The following SCAI variants were observed in gnomAD, a reference collection of about 807,000 sequenced individuals.
The protein encoded by SCAI is protein SCAI.
A neutral mutation model predicts 92.2 loss-of-function variants in SCAI; 24 were observed. That is an observed-to-expected ratio of 0.26 (90% confidence interval 0.19 to 0.37). The LOEUF (loss-of-function observed/expected upper bound fraction) is 0.37, where lower values mean the gene tolerates loss of function less well. Among genes scored for constraint, SCAI ranks in the 10% least tolerant of loss-of-function variants. The pLI is 1.00. For missense variants in SCAI, 450 were observed against 736.2 expected, an observed-to-expected ratio of 0.61 and a Z score of 4.50; for synonymous variants, 261 against 258.6, an observed-to-expected ratio of 1.01 and a Z score of -0.09.
chr9:125,121,859 A>T (rs1317319474), intron 2 of SCAI, among the ~76,000 whole-genome samples: 1 of 152,218 alleles, frequency 6.6e-6, no homozygotes, highest in Non-Finnish European at 1.5e-5. Context: ...AGTCTCAAAA[A>T]AATAAATAAA....
chr9:125,082,449 C>T (rs1304576673), intron 2 of SCAI, among the ~76,000 whole-genome samples: 1 of 152,234 alleles, frequency 6.6e-6, no homozygotes, highest in African/African-American at 2.4e-5. Flanking sequence ...AATCCCCACA[C>T]AGAGTCCCTA....
chr9:124,980,412 G>A (rs1348372524), intron 14 of SCAI, among the ~76,000 whole-genome samples: 1 of 152,018 alleles, frequency 6.6e-6, no homozygotes, highest in Non-Finnish European at 1.5e-5. Context: ...GCCCCTGGCT[G>A]GCTTCTGGGA....
At chr9:124,968,487 T>C (rs959544518) in intron 17 of SCAI, 2 of 898,876 alleles carry the variant, frequency 2.2e-6, no homozygotes, top group Non-Finnish European at 3.8e-6. Context: ...TGGTGTCTGC[T>C]TGTTGATCAC....
intron 9 of SCAI, among the ~76,000 whole-genome samples, chr9:125,011,745 T>C (rs1433269269): frequency 6.6e-6 from 1 of 151,992 alleles, no homozygotes; most frequent in Non-Finnish European, 1.5e-5. Flanking sequence ...TTCACCAAAG[T>C]TGAAATGAAG....
At chr9:125,137,887 C>T (rs1265136852) in intron 2 of SCAI, among the ~76,000 whole-genome samples, 1 of 152,172 alleles carries the variant, frequency 6.6e-6, no homozygotes, top group African/African-American at 2.4e-5. Context: ...CAGATGTGAG[C>T]CACCACGCTT....
At chr9:125,018,079 CA>C (rs1323358517) in intron 9 of SCAI, among the ~76,000 whole-genome samples, 1 of 151,846 alleles carries the variant, frequency 6.6e-6, no homozygotes. Flanking sequence ...AGGACATATA[CA>C]TTTTGGAAAC....
intron 3 of SCAI, among the ~76,000 whole-genome samples, chr9:125,052,594 G>A (rs1326443349): frequency 2.0e-5 from 3 of 151,936 alleles, no homozygotes; most frequent in Non-Finnish European, 4.4e-5. Flanking sequence ...TCACACTCCA[G>A]CCTGGGGGAC....
rs192223622 is a variant in SCAI, at chr9:124,958,271, C to T, written c.1675-5318G>A. 7.2e-5 allele frequency among the ~76,000 whole-genome samples: 11 copies of T among 152,156 alleles called. No homozygotes were observed. In the East Asian group the frequency reaches 2.1e-3, roughly 29 times the overall value. ...CAAAGGAACTAAAACAACCAAAATA[C>T]CTAAAAATCTTTTGGGGAAGGGGAC... On this transcript the variant is annotated intron_variant, in intron 17 of 17. Transcript: ENST00000336505.
At chr9:124,997,155 A>C (rs1047452561) in intron 13 of SCAI, among the ~76,000 whole-genome samples, 2 of 152,164 alleles carry the variant, frequency 1.3e-5, no homozygotes, top group Admixed American at 6.5e-5. Flanking sequence ...AAAACGAAAA[A>C]TGCTCCAAAA....
chr9:125,092,709 C>T (rs1175570393), intron 2 of SCAI, among the ~76,000 whole-genome samples: 5 of 152,226 alleles, frequency 3.3e-5, no homozygotes, highest in Non-Finnish European at 7.3e-5. Context: ...GGCCTCTGTG[C>T]TGGATAACTA....
intron 2 of SCAI, among the ~76,000 whole-genome samples, chr9:125,098,545 A>G (rs1834611829): frequency 6.6e-6 from 1 of 152,214 alleles, no homozygotes; most frequent in African/African-American, 2.4e-5. Context: ...GATTGTTTTC[A>G]TCTCATTTGG....
At chr9:125,019,049 A>G (rs1832818789) in intron 8 of SCAI, 58 bp downstream of exon 8, 2 of 1,528,898 alleles carry the variant, frequency 1.3e-6, no homozygotes, top group South Asian at 1.2e-5. Context: ...CAATAAAAAC[A>G]TAAACTACAC....
intron 2 of SCAI, among the ~76,000 whole-genome samples, chr9:125,074,025 C>A (rs573384691): frequency 7.9e-5 from 12 of 151,424 alleles, no homozygotes; most frequent in African/African-American, 2.2e-4. Flanking sequence ...TTTGGGAGGC[C>A]GAGGTGGGCA....
intron 2 of SCAI, among the ~76,000 whole-genome samples, chr9:125,076,647 T>C (rs1834095908): frequency 6.6e-6 from 1 of 152,134 alleles, no homozygotes; most frequent in East Asian, 1.9e-4. Context: ...GGCAAATTGT[T>C]TGAGTTCAAG....
intron 2 of SCAI, among the ~76,000 whole-genome samples, chr9:125,131,010 C>A: frequency 7.4e-6 from 1 of 134,856 alleles, no homozygotes; most frequent in Non-Finnish European, 1.5e-5. Flanking sequence ...TTAACTCACT[C>A]CTGGGCTCAA....
intron 3 of SCAI, among the ~76,000 whole-genome samples, chr9:125,047,527 G>C (rs1055752502): frequency 2.6e-5 from 4 of 152,200 alleles, no homozygotes; most frequent in African/African-American, 9.7e-5. Flanking sequence ...CAAAAGACCT[G>C]CAAGCTATTA....
At chr9:125,018,165 G>C (rs930468844) in intron 9 of SCAI, among the ~76,000 whole-genome samples, 1 of 151,886 alleles carries the variant, frequency 6.6e-6, no homozygotes, top group Non-Finnish European at 1.5e-5. Context: ...TGTGATCTTG[G>C]CTCACTCCAA....
chr9:124,951,139 AAAATCAGCAAATC>A lies in SCAI; in HGVS notation c.*1655_*1667del, dbSNP rs1831229677. ...CAGTAACTTTGGACTTCAGGTTTGA[AAAATCAGCAAATC>A]AAAGCAGGAATGGGAATAACTTAGA... On this transcript the variant is annotated 3_prime_UTR_variant, in exon 18 of 18. Transcript: ENST00000336505. 2 of 152,258 alleles carry A rather than the reference AAAATCAGCAAATC, an allele frequency of 1.3e-5. No individual in the cohort carries two copies. Among genetic ancestry groups the A allele is most frequent in the Admixed American group, 1.3e-4 (2 of 15,258 alleles). The allele number at this position is 152,258 out of a possible 1,614,324, so 9.4% of individuals were successfully genotyped here.
rs192552879 is a variant in SCAI at position 125,054,208 on chromosome 9, C to A, written c.230+1668G>T. On this transcript the variant is annotated intron_variant, in intron 3 of 17. Transcript: ENST00000336505. ...CAGGCTGATCTCAAACTCCTGGGCT[C>A]AAGTGATCCTCCCACCTCAGCCTCC... is the stretch of plus-strand genomic sequence containing the variant. 4.0e-3 allele frequency among the ~76,000 whole-genome samples: 615 copies of A among 152,230 alleles called. 3 individuals are homozygous for A. Among genetic ancestry groups the A allele is most frequent in the Middle Eastern group, 6.8e-3 (2 of 294 alleles).
Sources: allele counts gnomAD v4.1 joint callset (sites outside exome capture counted in the v4.1 genomes callset), GRCh38; gene constraint gnomAD v4.1.1; transcripts MANE v1.5; gene names NCBI Gene and HGNC (gene_info 2026-07-23, HGNC 2026-07-21).